CPPED1: variants seen among roughly 807,000 people sequenced by gnomAD.
The protein encoded by CPPED1 is calcineurin like phosphoesterase domain containing 1.
In CPPED1, 28 loss-of-function variants were observed where a neutral mutation model predicts 28.0. The observed-to-expected ratio is 1.00, with a 90% confidence interval of 0.74 to 1.37. CPPED1 has a LOEUF of 1.37. CPPED1 is among the 40% of genes most tolerant of loss of function. The pLI is 0.00. For missense variants in CPPED1, 504 were observed against 416.5 expected (o/e 1.21, Z -1.83); for synonymous variants, 198 against 180.2 (o/e 1.10, Z -0.79).
Position 12,704,966 on chromosome 16 carries a change from T to TGACAAGG in CPPED1, c.366_372dup (p.Ser125ProfsTer7). 2 of 1,614,234 alleles carry TGACAAGG rather than the reference T, an allele frequency of 1.2e-6. No individual in the cohort carries two copies. The highest frequency in any genetic ancestry group is 1.7e-6 in the Non-Finnish European group (2 of 1,180,050). Reference sequence around the variant, plus strand: ...GTGTTGCCAATGTCATGGTTGCCGCTGACAAGGACCAGTGGGATGGCCCTG... The same window carrying TGACAAGG: ...GTGTTGCCAATGTCATGGTTGCCGCTGACAAGGGACAAGGACCAGTGGGATGGCCCTG... On this transcript the variant is annotated frameshift_variant, in exon 3 of 4. Transcript: ENST00000381774. LOFTEE classifies it high-confidence loss of function.
chr16:12,713,734 C>A (rs2080092336), intron 2 of CPPED1, among the ~76,000 whole-genome samples: 1 of 152,082 alleles, frequency 6.6e-6, no homozygotes, highest in South Asian at 2.1e-4. Flanking sequence ...TTGCTGCCCC[C>A]AGGAGACCCA....
At chr16:12,766,287 A>G (rs185841509) in intron 2 of CPPED1, among the ~76,000 whole-genome samples, 1,726 of 148,062 alleles carry the variant, frequency 0.012, 20 homozygotes, top group Middle Eastern at 0.017. Flanking sequence ...GGAGAGAGAG[A>G]GAGAGAAAGA....
chr16:12,731,917 C>G (rs1191056616), intron 2 of CPPED1, among the ~76,000 whole-genome samples: 1 of 151,342 alleles, frequency 6.6e-6, no homozygotes, highest in Non-Finnish European at 1.5e-5. Context: ...AATACTAGCA[C>G]TTTGGGAGGC....
intron 3 of CPPED1, among the ~76,000 whole-genome samples, chr16:12,678,681 TAAC>T (rs757194836): frequency 5.3e-5 from 8 of 152,228 alleles, no homozygotes; most frequent in Non-Finnish European, 8.8e-5. Context: ...TAATTTCACT[TAAC>T]AATTGCTTGC....
intron 3 of CPPED1, among the ~76,000 whole-genome samples, chr16:12,673,068 T>C (rs1173020508): frequency 1.3e-5 from 2 of 151,948 alleles, no homozygotes; most frequent in Non-Finnish European, 1.5e-5. Flanking sequence ...TAGGGCAACA[T>C]GAACAGGGCA....
intron 2 of CPPED1, chr16:12,757,735 C>T (rs1253805085): frequency 1.4e-5 from 2 of 144,896 alleles, no homozygotes; most frequent in African/African-American, 5.1e-5. Flanking sequence ...TAATGGCAAC[C>T]TTTTAAAAAA....
intron 1 of CPPED1, among the ~76,000 whole-genome samples, chr16:12,803,317 C>G (rs991616912): frequency 1.3e-5 from 2 of 152,198 alleles, no homozygotes; most frequent in Non-Finnish European, 2.9e-5. Context: ...GCACCGAACG[C>G]TTATCCAGTA....
chr16:12,732,048 A>G (rs2080200643), intron 2 of CPPED1, among the ~76,000 whole-genome samples: 1 of 152,056 alleles, frequency 6.6e-6, no homozygotes, highest in Non-Finnish European at 1.5e-5. Context: ...CTGTAATCCC[A>G]GCTACTCAGG....
intron 2 of CPPED1, among the ~76,000 whole-genome samples, chr16:12,774,772 G>A (rs2080488297): frequency 6.6e-6 from 1 of 152,064 alleles, no homozygotes. Flanking sequence ...TGAGTTAGTG[G>A]ATTAATGGGT....
rs1219326162 is a variant in CPPED1 at position 12,705,065 on chromosome 16, T to C, written c.290-16A>G. 6.3e-7 allele frequency: 1 copy of C among 1,590,774 alleles called. No individual in the cohort carries two copies. The highest frequency in any genetic ancestry group is 1.7e-5 in the Admixed American group (1 of 57,542). ...CACGGCTTCCCTGGAAGAGTGAGGG[T>C]CACGTCCTGAGAAAGCCAGGGGCTT... On this transcript the variant is annotated splice_polypyrimidine_tract_variant and intron_variant, in intron 2 of 3. Transcript: ENST00000381774.
At chr16:12,701,966 T>C (rs551471387) in intron 3 of CPPED1, among the ~76,000 whole-genome samples, 1 of 152,160 alleles carries the variant, frequency 6.6e-6, no homozygotes, top group Non-Finnish European at 1.5e-5. Flanking sequence ...GCCTCCTGAT[T>C]ATAATTGGGC....
At chr16:12,731,388 AAAG>A (rs1204219134) in intron 2 of CPPED1, among the ~76,000 whole-genome samples, 2 of 151,666 alleles carry the variant, frequency 1.3e-5, no homozygotes, top group African/African-American at 4.8e-5. Flanking sequence ...TAAAAAAAAA[AAAG>A]AGTAAACAAA....
chr16:12,730,624 T>C (rs1346779063), intron 2 of CPPED1, among the ~76,000 whole-genome samples: 5 of 152,212 alleles, frequency 3.3e-5, no homozygotes, highest in Non-Finnish European at 5.9e-5. Flanking sequence ...ACAGAACCAA[T>C]TGCTGCTACA....
chr16:12,781,939 A>G lies in CPPED1; in HGVS notation c.71-536T>C, dbSNP rs532912580. ...TCTGGTGGGAGGTGTGGTGCCAGAA[A>G]TGAAATCTCGGAATGAGTAAGTCAA... On this transcript the variant is annotated intron_variant, in intron 1 of 3. Coordinates refer to ENST00000381774, the MANE Select transcript of CPPED1 (RefSeq NM_018340.3). 3.6e-4 allele frequency among the ~76,000 whole-genome samples: 55 copies of G among 152,194 alleles called. 1 individual carries two copies. The South Asian group carries it at 0.011, about 30-fold the overall frequency.
intron 3 of CPPED1, among the ~76,000 whole-genome samples, chr16:12,696,562 C>T (rs1037001824): frequency 1.8e-4 from 28 of 151,518 alleles, no homozygotes; most frequent in African/African-American, 6.8e-4. Context: ...GTGCCTCAGC[C>T]TCCTGAGTAG....
chr16:12,753,988 G>C (rs1258615281), intron 2 of CPPED1: 1 of 152,176 alleles, frequency 6.6e-6, no homozygotes, highest in African/African-American at 2.4e-5. Context: ...ATTGCATCAC[G>C]AGAAAGTCAG....
intron 1 of CPPED1, among the ~76,000 whole-genome samples, chr16:12,783,023 TG>T (rs1320480858): frequency 6.6e-6 from 1 of 152,178 alleles, no homozygotes; most frequent in Non-Finnish European, 1.5e-5. Flanking sequence ...AGTATCATAC[TG>T]GGAGCCTTTG....
intron 2 of CPPED1, among the ~76,000 whole-genome samples, chr16:12,748,317 A>G (rs929372014): frequency 6.6e-6 from 1 of 152,348 alleles, no homozygotes; most frequent in Non-Finnish European, 1.5e-5. Context: ...TGAATGATCC[A>G]TATGAATACA....
At chr16:12,677,103 C>T (rs2079881716) in intron 3 of CPPED1, among the ~76,000 whole-genome samples, 1 of 152,182 alleles carries the variant, frequency 6.6e-6, no homozygotes, top group African/African-American at 2.4e-5. Context: ...GTAAAGGCTC[C>T]TGCAGACTGG....
Sources: gnomAD v4.1 joint callset for allele counts (sites outside exome capture counted in the v4.1 genomes callset) on GRCh38, gnomAD v4.1.1 for gene constraint, MANE v1.5 for transcripts, NCBI Gene and HGNC (gene_info 2026-07-23, HGNC 2026-07-21) for gene names.